DST: variants seen among roughly 807,000 people sequenced by gnomAD.
DST encodes the protein dystonin, also known as bullous pemphigoid antigen.
DST carries 253 observed loss-of-function variants against 875.2 expected under a neutral mutation model. That is an observed-to-expected ratio of 0.29 (90% confidence interval 0.26 to 0.32). DST has a LOEUF of 0.32. Ranked by LOEUF, DST falls within the 10% of genes least tolerant of loss-of-function variation. The pLI is 1.00. For missense variants in DST, 8,287 were observed against 9,111.6 expected (o/e 0.91, Z 3.68); for synonymous variants, 3,124 against 3,197.1 (o/e 0.98, Z 0.77).
At chr6:56,808,038 C>A (rs2099755245) in intron 4 of DST, among the ~76,000 whole-genome samples, 1 of 152,120 alleles carries the variant, frequency 6.6e-6, no homozygotes, top group Non-Finnish European at 1.5e-5. Flanking sequence ...CTGTTGAATT[C>A]TTTTCACTAT....
chr6:56,777,522 T>G (rs13200559), intron 4 of DST, among the ~76,000 whole-genome samples: 19,124 of 152,012 alleles, frequency 0.13, 1,674 homozygotes, highest in Middle Eastern at 0.2. Flanking sequence ...AAATCACAGA[T>G]AGCTTGCTCA....
chr6:56,682,227 C>T (rs970030982), intron 9 of DST, among the ~76,000 whole-genome samples: 4 of 152,144 alleles, frequency 2.6e-5, no homozygotes, highest in African/African-American at 9.7e-5. Flanking sequence ...GACTGGAGTG[C>T]AATGGCACCA....
Position 56,630,311 on chromosome 6 carries a change from T to C in DST, c.4215A>G (p.Lys1405=), listed in dbSNP as rs1421414844. 5.0e-6 allele frequency: 8 copies of C among 1,611,784 alleles called. No individual in the cohort carries two copies. In the East Asian group the frequency reaches 1.8e-4, roughly 36 times the overall value. The change falls in exon 31 of 104, where the codon AAA becomes AAG. Residue 1405 remains lysine, a synonymous_variant. Transcript: ENST00000680361. ...CTATAACTGCTTCTTCTTCACACAG[T>C]TTAGTTTCATAGAGTTTTACGAGGG... ...AEALVKLYET[K]LCEEEAVIAD... is the part of the protein sequence containing the mutation.
intron 36 of DST, chr6:56,617,919 G>A: frequency 2.1e-6 from 3 of 1,400,314 alleles, no homozygotes; most frequent in Non-Finnish European, 3.0e-6. Context: ...TAGTCTAGGA[G>A]AGAAAGGAAA....
chr6:56,870,830 C>T (rs898048859), intron 3 of DST, among the ~76,000 whole-genome samples: 2 of 151,902 alleles, frequency 1.3e-5, no homozygotes, highest in African/African-American at 4.8e-5. Context: ...GCAAAAACTT[C>T]AGGTATGTTA....
At chr6:56,466,360 C>G in intron 98 of DST, 165 bp from the exon 99 acceptor site, 1 of 424,794 alleles carries the variant, frequency 2.4e-6, no homozygotes, top group South Asian at 8.9e-5. Flanking sequence ...TTGTGTTAGA[C>G]GGCTGCATGC....
At chr6:56,617,937 G>T in intron 36 of DST, 1 of 1,512,736 alleles carries the variant, frequency 6.6e-7, no homozygotes, top group South Asian at 1.1e-5. Context: ...AAACAAATGA[G>T]GAAACTTGAC....
intron 61 of DST, among the ~76,000 whole-genome samples, chr6:56,545,911 A>G (rs2097212976): frequency 6.6e-6 from 1 of 152,216 alleles, no homozygotes; most frequent in South Asian, 2.1e-4. Flanking sequence ...TGTTCTTTCT[A>G]AAACAAATAA....
chr6:56,884,267 C>T (rs1439101448), intron 3 of DST, among the ~76,000 whole-genome samples: 1 of 152,156 alleles, frequency 6.6e-6, no homozygotes, highest in Non-Finnish European at 1.5e-5. Flanking sequence ...TAGACTATCA[C>T]TCCCACATTT....
chr6:56,466,151 A>G lies in DST; in HGVS notation c.22614T>C (p.Ser7538=). 6.2e-7 allele frequency: 1 copy of G among 1,612,932 alleles called. No homozygotes were observed. The highest frequency in any genetic ancestry group is 8.5e-7 in the Non-Finnish European group (1 of 1,179,498). The part of the protein sequence containing the change: ...QQLRLVRILR[S]TVMVRVGGGW... ...CACCTCCAACACGAACCATCACAGT[A>G]CTCCGCAGGATCCGGACCAGTCGCA... is the stretch of plus-strand genomic sequence containing the variant. Residue 7538 remains serine (S), a synonymous_variant, in exon 99 of 104, where the codon AGT becomes AGC. Transcript: ENST00000680361.
intron 36 of DST, chr6:56,617,174 G>A: frequency 6.2e-7 from 1 of 1,601,754 alleles, no homozygotes; most frequent in Non-Finnish European, 8.5e-7. Flanking sequence ...CAACTGCCTG[G>A]CAGTCACAGT....
At chr6:56,861,697 C>T (rs1179496524) in intron 3 of DST, 1 of 152,164 alleles carries the variant, frequency 6.6e-6, no homozygotes, top group Admixed American at 6.6e-5. Flanking sequence ...TATGGCAGGA[C>T]GGGAAGCAGA....
chr6:56,749,915 C>T (rs2099582473), intron 4 of DST, among the ~76,000 whole-genome samples: 1 of 152,148 alleles, frequency 6.6e-6, no homozygotes, highest in Non-Finnish European at 1.5e-5. Context: ...GCTTTAGTTA[C>T]AGGATCACCA....
Position 56,473,700 on chromosome 6 carries a change from T to C in DST, c.21994+173A>G, listed in dbSNP as rs192234250. Among the ~76,000 whole-genome samples the C allele has an allele frequency of 3.9e-5, 6 of 152,354 alleles. No homozygotes were observed. The East Asian group carries it at 9.6e-4, about 24-fold the overall frequency. ...AAACCTGGGTATATTTTTTCTTTAT[T>C]TTTAAATAAGTTTCTACAATACTTG... On this transcript the variant is annotated intron_variant, in intron 93 of 103. Coordinates refer to ENST00000680361, the MANE Select transcript of DST (RefSeq NM_001374736.1).
chr6:56,546,347 C>CACATAT (rs1554326094), intron 61 of DST, among the ~76,000 whole-genome samples: 1 of 72,642 alleles, frequency 1.4e-5, no homozygotes, highest in Non-Finnish European at 2.5e-5. Context: ...ATACATATTT[C>CACATAT]ATATATATAT....
rs1554536257 is a variant in DST, at chr6:56,634,476, C to A, written c.3480G>T (p.Val1160=). ...TATATACAAACCTGTTGGCAAGGTCCACCGCTTCTTTGTTTGGTGGAGGAA... is the reference window on the plus strand; with the variant it reads ...TATATACAAACCTGTTGGCAAGGTCAACCGCTTCTTTGTTTGGTGGAGGAA... ...FTVPPPNKEA[V]DLANRIEQQY... is the part of the protein sequence containing the mutation. Residue 1160 remains valine, a synonymous_variant, in exon 26 of 104, where the codon GTG becomes GTT. Coordinates refer to ENST00000680361, the MANE Select transcript of DST (RefSeq NM_001374736.1). The A allele has an allele frequency of 6.2e-7, 1 of 1,614,046 alleles. No individual in the cohort carries two copies. Among genetic ancestry groups the A allele is most frequent in the Non-Finnish European group, 8.5e-7 (1 of 1,180,028 alleles).
At chr6:56,670,419 G>A (rs1345341285) in intron 10 of DST, 7 of 331,738 alleles carry the variant, frequency 2.1e-5, no homozygotes, top group African/African-American at 1.1e-4. Flanking sequence ...GGCTGTTCTC[G>A]AACTCCCAGG....
chr6:56,524,422 A>T (rs2096760814), intron 69 of DST, among the ~76,000 whole-genome samples: 1 of 152,160 alleles, frequency 6.6e-6, no homozygotes, highest in South Asian at 2.1e-4. Flanking sequence ...TTAGAAAAAA[A>T]ATGGTTTACC....
intron 99 of DST, among the ~76,000 whole-genome samples, chr6:56,465,408 TA>T (rs1214353428): frequency 6.6e-6 from 1 of 152,196 alleles, no homozygotes; most frequent in Non-Finnish European, 1.5e-5. Context: ...GAGTAATTGG[TA>T]CCTAATTAGA....
Sources: allele counts gnomAD v4.1 joint callset (sites outside exome capture counted in the v4.1 genomes callset), GRCh38; gene constraint gnomAD v4.1.1; transcripts MANE v1.5; gene names NCBI Gene and HGNC (gene_info 2026-07-23, HGNC 2026-07-21).